UNC93A: variants seen among roughly 807,000 people sequenced by gnomAD.
UNC93A encodes unc-93 homolog A, also known as N-acetylglucosamine transporter UNC93A.
In UNC93A, 43 loss-of-function variants were observed where a neutral mutation model predicts 47.5. The observed-to-expected ratio is 0.91, with a 90% CI of 0.71 to 1.17. The LOEUF (loss-of-function observed/expected upper bound fraction) is 1.17, where lower values mean the gene tolerates loss of function less well. UNC93A is among the 50% of genes most tolerant of loss of function. The pLI, the probability that UNC93A is intolerant of heterozygous loss-of-function variation, is 0.00. For missense variants in UNC93A, 605 were observed against 577.6 expected (o/e 1.05, Z -0.49); for synonymous variants, 280 against 258.0 (o/e 1.09, Z -0.82).
At chr6:167,276,183 G>A (rs1783540674) in intron 1 of UNC93A, among the ~76,000 whole-genome samples, 1 of 151,660 alleles carries the variant, frequency 6.6e-6, no homozygotes. Flanking sequence ...CAATGACAGG[G>A]TTTTATTCCT....
At chr6:167,311,640 G>T (rs1426444348) in intron 7 of UNC93A, among the ~76,000 whole-genome samples, 1 of 152,120 alleles carries the variant, frequency 6.6e-6, no homozygotes, top group African/African-American at 2.4e-5. Context: ...AAACAAGATT[G>T]CTGGACTTCT....
intron 1 of UNC93A, among the ~76,000 whole-genome samples, chr6:167,277,495 C>T (rs55968717): frequency 0.037 from 5,596 of 152,232 alleles, 297 homozygotes; most frequent in African/African-American, 0.13. Context: ...AGAACGGCCC[C>T]TCCTGCAAAA....
intron 7 of UNC93A, 144 bp downstream of exon 7, chr6:167,308,054 G>A (rs1778452533): frequency 2.5e-6 from 3 of 1,186,842 alleles, no homozygotes; most frequent in Non-Finnish European, 3.4e-6. Flanking sequence ...GGGCTTTGAT[G>A]TCGCCTCTGA....
rs781299552 is a variant in UNC93A at position 167,298,074 on chromosome 6, C to T, written c.625+4C>T. On this transcript the variant is annotated splice_donor_region_variant and intron_variant, in intron 4 of 7. Transcript: ENST00000230256. ...ACCCTCCTGGGCATCTACACTGGTACGAGCTCCATCGGCCCAGGGCAGGGT... is the reference window on the plus strand; with the variant it reads ...ACCCTCCTGGGCATCTACACTGGTATGAGCTCCATCGGCCCAGGGCAGGGT... 8.7e-6 allele frequency: 14 copies of T among 1,613,270 alleles called. No homozygotes were observed. Among genetic ancestry groups the T allele is most frequent in the African/African-American group, 6.7e-5 (5 of 75,020 alleles).
At chr6:167,281,610 A>G (rs1036917389) in intron 1 of UNC93A, among the ~76,000 whole-genome samples, 1 of 152,166 alleles carries the variant, frequency 6.6e-6, no homozygotes, top group African/African-American at 2.4e-5. Context: ...TCTTTTTACA[A>G]CGTAGCCTGT....
upstream of UNC93A, among the ~76,000 whole-genome samples, chr6:167,286,392 T>C (rs1783733265): frequency 1.3e-5 from 2 of 152,216 alleles, no homozygotes; most frequent in South Asian, 4.1e-4. Flanking sequence ...GAGGCGGTCA[T>C]TGCATCGTAG....
intron 7 of UNC93A, among the ~76,000 whole-genome samples, chr6:167,310,588 T>G (rs1485310348): frequency 6.6e-6 from 1 of 152,214 alleles, no homozygotes; most frequent in Non-Finnish European, 1.5e-5. Flanking sequence ...TTTTCAAAAA[T>G]AAACCAAACT....
intron 1 of UNC93A, among the ~76,000 whole-genome samples, chr6:167,292,074 C>T (rs986605132): frequency 3.9e-5 from 6 of 152,140 alleles, no homozygotes; most frequent in East Asian, 3.8e-4. Context: ...TCCATAGTTC[C>T]GTGAGCCCAT....
At chr6:167,286,133 G>GTATA (rs1783728670) in intron 1 of UNC93A, among the ~76,000 whole-genome samples, 1 of 148,026 alleles carries the variant, frequency 6.8e-6, no homozygotes, top group Admixed American at 6.9e-5. Context: ...TACAAAATGT[G>GTATA]TATATGCATT....
upstream of UNC93A, among the ~76,000 whole-genome samples, chr6:167,269,632 A>G (rs1262850625): frequency 1.3e-5 from 2 of 152,214 alleles, no homozygotes; most frequent in East Asian, 3.9e-4. Context: ...TTTGAGACAG[A>G]GTCTTGCTCT....
At position 167,300,748 on chromosome 6, in the gene UNC93A, C is replaced by A. The variant is rs1778220542; in HGVS notation, c.625+2678C>A. Among the ~76,000 whole-genome samples the A allele has an allele frequency of 2.6e-5, 4 of 152,138 alleles. No homozygotes were observed. In the South Asian group the frequency reaches 8.3e-4, roughly 32 times the overall value. On this transcript the variant is annotated intron_variant, in intron 4 of 7. Coordinates refer to ENST00000230256, the MANE Select transcript of UNC93A (RefSeq NM_018974.4). ...CTTCCCCAACACTTCCCCTCACCACCTCCTCTACATAACTAGGAGGCTGGG... is the reference window on the plus strand; with the variant it reads ...CTTCCCCAACACTTCCCCTCACCACATCCTCTACATAACTAGGAGGCTGGG...
At chr6:167,313,814 C>A (rs1046054688) in intron 7 of UNC93A, among the ~76,000 whole-genome samples, 1 of 152,088 alleles carries the variant, frequency 6.6e-6, no homozygotes, top group East Asian at 1.9e-4. Flanking sequence ...GGATCCCATG[C>A]TAACAGTCAC....
rs34957443 is a variant in UNC93A at position 167,303,985 on chromosome 6, A to G, written c.692A>G (p.Glu231Gly). 10 of 1,612,920 alleles carry G rather than the reference A, an allele frequency of 6.2e-6. No individual in the cohort carries two copies. Among genetic ancestry groups the G allele is most frequent in the Non-Finnish European group, 8.5e-6 (10 of 1,179,866 alleles). ...CAACCCATACGAGATGTTCAGCGGG[A>G]AAGTGAAGGAGAGAAGAAATCAGTA... ...FLQPIRDVQR[E>G]SEGEKKSVPF... is the part of the protein sequence containing the mutation. Residue 231 changes from glutamate (E) to glycine (G), a missense_variant, in exon 5 of 8, where the codon GAA becomes GGA. Physicochemically the swap from Glu to Gly is moderately conservative, Grantham distance 98 (BLOSUM62 -2). Transcript: ENST00000230256.
At chr6:167,313,471 T>G (rs942961445) in intron 7 of UNC93A, among the ~76,000 whole-genome samples, 18 of 151,898 alleles carry the variant, frequency 1.2e-4, no homozygotes, top group Non-Finnish European at 4.4e-5. Flanking sequence ...GAATTGGCCT[T>G]GGACCAACCA....
At chr6:167,286,224 G>A (rs1463465213) in intron 1 of UNC93A, among the ~76,000 whole-genome samples, 2 of 152,200 alleles carry the variant, frequency 1.3e-5, no homozygotes, top group East Asian at 3.9e-4. Context: ...TACCTTTCCA[G>A]TCTGTCTGTC....
At chr6:167,280,604 G>A (rs1732820519) in intron 1 of UNC93A, among the ~76,000 whole-genome samples, 1 of 152,146 alleles carries the variant, frequency 6.6e-6, no homozygotes, top group Non-Finnish European at 1.5e-5. Context: ...GAGCCCCGAG[G>A]CCGCTCAGTC....
intron 1 of UNC93A, among the ~76,000 whole-genome samples, chr6:167,273,767 A>G (rs998490148): frequency 6.6e-6 from 1 of 152,036 alleles, no homozygotes; most frequent in Non-Finnish European, 1.5e-5. Context: ...TCCAGATCAC[A>G]GGCAGATTCA....
rs1562350614 is a variant in UNC93A at position 167,295,709 on chromosome 6, C to CCTCGTGCTCCTCGCCTG, written c.270-322_270-321insTCGTGCTCCTCGCCTGC. Among the ~76,000 whole-genome samples the CCTCGTGCTCCTCGCCTG allele has an allele frequency of 1.1e-4, 8 of 74,256 alleles. 1 individual carries two copies. In the East Asian group the frequency reaches 2.5e-3, roughly 23 times the overall value. The allele number at this position is 74,256 out of a possible 152,430, so 48.7% of individuals were successfully genotyped here. On this transcript the variant is annotated intron_variant, in intron 2 of 7. Transcript: ENST00000230256. ...CTCGCCTGCCTCGTGCTCCTCGCCT[C>CCTCGTGCTCCTCGCCTG]CCTCGTGCTCCTCGCCTTCCTCGTG... is the stretch of plus-strand genomic sequence containing the variant.
intron 1 of UNC93A, among the ~76,000 whole-genome samples, chr6:167,294,078 C>T (rs548265855): frequency 1.3e-5 from 2 of 152,322 alleles, no homozygotes; most frequent in South Asian, 2.1e-4. Flanking sequence ...CATGTGCACT[C>T]AGCTGCTTCA....
Sources: gnomAD v4.1 joint callset for allele counts (sites outside exome capture counted in the v4.1 genomes callset) on GRCh38, gnomAD v4.1.1 for gene constraint, MANE v1.5 for transcripts, NCBI Gene and HGNC (gene_info 2026-07-23, HGNC 2026-07-21) for gene names.